The following PRMT9 variants were observed in gnomAD, a reference collection of about 807,000 sequenced individuals.
PRMT9 encodes the protein protein arginine methyltransferase 9.
In PRMT9, 59 loss-of-function variants were observed where a neutral mutation model predicts 83.2. The observed-to-expected ratio is 0.71, with a 90% CI of 0.57 to 0.88. The LOEUF is 0.88. Among genes scored for constraint, PRMT9 ranks in the 40% least tolerant of loss-of-function variants. PRMT9 has a pLI of 0.00. For synonymous variants in PRMT9, 333 were observed against 353.2 expected (o/e 0.94, Z 0.64); for missense variants, 947 against 1,021.9 (o/e 0.93, Z 1.00).
rs1733113760 is a variant in PRMT9 at position 147,637,792 on chromosome 4, CATA to C, written c.*737_*739del. 1 of 152,240 alleles carries C rather than the reference CATA, an allele frequency of 6.6e-6. No homozygotes were observed. Among genetic ancestry groups the C allele is most frequent in the Admixed American group, 6.6e-5 (1 of 15,260 alleles). 9.4% of individuals were successfully genotyped at this position (152,240 alleles called of 1,614,324 possible). On this transcript the variant is annotated 3_prime_UTR_variant, in exon 12 of 12. Coordinates refer to ENST00000322396, the MANE Select transcript of PRMT9 (RefSeq NM_138364.4). ...CAAAGAGCACGCAGTGTATAGGAGG[CATA>C]ATAATGATCTTCCTTTATTTCAAAA...
intron 2 of PRMT9, among the ~76,000 whole-genome samples, chr4:147,675,306 C>T (rs1397569988): frequency 6.6e-6 from 1 of 152,060 alleles, no homozygotes; most frequent in Non-Finnish European, 1.5e-5. Flanking sequence ...ACTATTCATT[C>T]CAGGTATGGT....
chr4:147,638,934 G>T, intron 11 of PRMT9, 26 bp downstream of exon 11: 1 of 1,600,508 alleles, frequency 6.2e-7, no homozygotes, highest in Admixed American at 1.7e-5. Flanking sequence ...AATAACAAAC[G>T]AAATCATTTT....
Position 147,661,033 on chromosome 4 carries a change from C to G in PRMT9, c.959G>C (p.Gly320Ala). Residue 320 changes from glycine to alanine, a missense_variant, in exon 7 of 12, where the codon GGT becomes GCT. By Grantham distance (60) the Gly-to-Ala change is moderately conservative. Transcript: ENST00000322396. ...CAEIRRHHRVGIKDIAGIHLP... is the reference protein window; with the variant it reads ...CAEIRRHHRVAIKDIAGIHLP... ...ATGGATACCAGCAATGTCCTTAATA[C>G]CCACTCTGGAGAGAGAGAAAATAGG... 7.5e-6 allele frequency: 12 copies of G among 1,607,276 alleles called. No homozygotes were observed. Among genetic ancestry groups the G allele is most frequent in the Non-Finnish European group, 1.0e-5 (12 of 1,174,062 alleles).
In PRMT9 at chr4:147,642,767, C is replaced by T. The variant is rs1733488276; in HGVS notation, c.2199+20G>A. Reference sequence around the variant, plus strand: ...ACTGTTCAACAGCATCCTGGTTGAACTTCTCCTCTAGACACTTACCTGAAA... The same window carrying T: ...ACTGTTCAACAGCATCCTGGTTGAATTTCTCCTCTAGACACTTACCTGAAA... On this transcript the variant is annotated intron_variant, in intron 10 of 11. Transcript: ENST00000322396. 1 of 1,607,404 alleles carries T rather than the reference C, an allele frequency of 6.2e-7. No homozygotes were observed. The highest frequency in any genetic ancestry group is 8.5e-7 in the Non-Finnish European group (1 of 1,174,376).
intron 4 of PRMT9, among the ~76,000 whole-genome samples, chr4:147,672,673 T>A (rs1481128198): frequency 6.6e-6 from 1 of 152,208 alleles, no homozygotes; most frequent in East Asian, 1.9e-4. Flanking sequence ...GGATGAATTA[T>A]CCATTTTTAC....
At chr4:147,645,312 T>C (rs17475359) in intron 9 of PRMT9, among the ~76,000 whole-genome samples, 8,386 of 152,196 alleles carry the variant, frequency 0.055, 302 homozygotes, top group Non-Finnish European at 0.077. Context: ...ACTTAAAAGA[T>C]ATCTAAAGCA....
intron 7 of PRMT9, 107 bp from the exon 8 acceptor site, chr4:147,658,082 C>T (rs1311247418): frequency 9.0e-6 from 7 of 773,778 alleles, no homozygotes; most frequent in African/African-American, 3.5e-5. Context: ...GCCCAGCTCC[C>T]TTAGGGATTC....
intron 9 of PRMT9, among the ~76,000 whole-genome samples, chr4:147,648,383 A>G (rs761177783): frequency 6.6e-6 from 1 of 152,182 alleles, no homozygotes; most frequent in Non-Finnish European, 1.5e-5. Flanking sequence ...AGGTTCAGAG[A>G]GCTTCCAGGT....
chr4:147,668,417 G>T (rs566426633), intron 6 of PRMT9, 122 bp downstream of exon 6: 6 of 699,642 alleles, frequency 8.6e-6, no homozygotes, highest in South Asian at 7.8e-5. Context: ...TGCCATGTTT[G>T]TAAGTTTCCT....
chr4:147,657,092 T>C (rs1734559670), intron 8 of PRMT9, among the ~76,000 whole-genome samples: 1 of 152,012 alleles, frequency 6.6e-6, no homozygotes, highest in South Asian at 2.1e-4. Flanking sequence ...TGTGCTTATA[T>C]GAGTGTGTAC....
At position 147,684,000 on chromosome 4, in the gene PRMT9, T is replaced by C; in HGVS notation, c.-13A>G. ...GCGAGTTCGACATGGCAGTCACCAC[T>C]TGTATGGCCAAAGGGAAGATATTTT... On this transcript the variant is annotated 5_prime_UTR_variant, in exon 1 of 12. Transcript: ENST00000322396. 2.5e-6 allele frequency: 4 copies of C among 1,612,196 alleles called. No homozygotes were observed. Among genetic ancestry groups the C allele is most frequent in the Non-Finnish European group, 3.4e-6 (4 of 1,179,372 alleles).
chr4:147,665,959 G>T (rs1735305334), intron 6 of PRMT9, among the ~76,000 whole-genome samples: 1 of 152,192 alleles, frequency 6.6e-6, no homozygotes, highest in South Asian at 2.1e-4. Context: ...TATCAGGATA[G>T]ATTCCCAGAC....
chr4:147,673,237 CA>C (rs1735853112), intron 3 of PRMT9, 111 bp from the exon 4 acceptor site: 2 of 886,482 alleles, frequency 2.3e-6, no homozygotes, highest in Non-Finnish European at 3.6e-6. Flanking sequence ...TTCTTTAACA[CA>C]ACCATTACTC....
intron 4 of PRMT9, among the ~76,000 whole-genome samples, chr4:147,671,154 A>G (rs147186223): frequency 2.6e-5 from 4 of 152,266 alleles, no homozygotes; most frequent in African/African-American, 9.6e-5. Context: ...TCTACCATCA[A>G]TAACTCCCTA....
intron 9 of PRMT9, among the ~76,000 whole-genome samples, chr4:147,644,716 G>A (rs926190415): frequency 6.6e-6 from 1 of 152,094 alleles, no homozygotes; most frequent in Non-Finnish European, 1.5e-5. Flanking sequence ...TGGGAGAAGA[G>A]TTGCTATATG....
At chr4:147,652,997 A>C (rs1338221292) in intron 9 of PRMT9, among the ~76,000 whole-genome samples, 1 of 152,162 alleles carries the variant, frequency 6.6e-6, no homozygotes, top group Admixed American at 6.6e-5. Context: ...ATAAATAGAT[A>C]AATTAAAAAT....
intron 6 of PRMT9, among the ~76,000 whole-genome samples, chr4:147,662,914 G>C (rs1735066082): frequency 6.6e-6 from 1 of 151,886 alleles, no homozygotes; most frequent in African/African-American, 2.4e-5. Context: ...TTTTTTAAGA[G>C]AATTTGCCTT....
chr4:147,678,725 T>G (rs138563319), intron 2 of PRMT9, among the ~76,000 whole-genome samples: 1 of 152,308 alleles, frequency 6.6e-6, no homozygotes, highest in East Asian at 1.9e-4. Flanking sequence ...CAGCTCCCAG[T>G]AGAAACCCTG....
intron 2 of PRMT9, among the ~76,000 whole-genome samples, chr4:147,678,742 G>A (rs1736262773): frequency 6.6e-6 from 1 of 152,192 alleles, no homozygotes; most frequent in Admixed American, 6.5e-5. Context: ...CCTGGGCACT[G>A]AGCCTCTAAT....
Sources: allele counts gnomAD v4.1 joint callset (sites outside exome capture counted in the v4.1 genomes callset), GRCh38; gene constraint gnomAD v4.1.1; transcripts MANE v1.5; gene names NCBI Gene and HGNC (gene_info 2026-07-23, HGNC 2026-07-21).